The following SMAD2 variants were observed in gnomAD, a reference collection of about 807,000 sequenced individuals.
SMAD2 encodes the protein SMAD family member 2.
Under a neutral mutation model 64.4 loss-of-function variants are expected in SMAD2, and 8 were observed. That is an observed-to-expected ratio of 0.12 (90% CI 0.07 to 0.22). SMAD2 has a LOEUF of 0.22. Ranked by LOEUF, SMAD2 falls within the 10% of genes least tolerant of loss-of-function variation. The pLI, the probability that SMAD2 is intolerant of heterozygous loss-of-function variation, is 1.00. For synonymous variants in SMAD2, 203 were observed against 195.8 expected, an observed-to-expected ratio of 1.04 and a Z score of -0.31; for missense variants, 289 against 561.2, an observed-to-expected ratio of 0.51 and a Z score of 4.90.
chr18:47,895,446 A>G (rs1316838468), intron 2 of SMAD2: 1 of 152,180 alleles, frequency 6.6e-6, no homozygotes, highest in Non-Finnish European at 1.5e-5. Flanking sequence ...ATCAAATTAT[A>G]ATTAATTTGT....
At position 47,837,574 on chromosome 18, in the gene SMAD2, A is replaced by C. The variant is rs533420465; in HGVS notation, c.*4253T>G. 25 of 227,920 alleles carry C rather than the reference A, an allele frequency of 1.1e-4. 1 individual carries two copies. The highest frequency in any genetic ancestry group is 5.8e-4 in the Admixed American group (10 of 17,370). 14.1% of individuals were successfully genotyped at this position (227,920 alleles called of 1,614,324 possible). On this transcript the variant is annotated 3_prime_UTR_variant, in exon 11 of 11. Transcript: ENST00000262160. Reference sequence around the variant, plus strand: ...GAGACTCCCTCTCAAAAAAAAAAAAAAAAAACAAAAAACAAGGCTAACAAG... The same window carrying C: ...GAGACTCCCTCTCAAAAAAAAAAAACAAAAACAAAAAACAAGGCTAACAAG...
chr18:47,909,486 T>C (rs549816455), intron 1 of SMAD2, among the ~76,000 whole-genome samples: 2 of 152,172 alleles, frequency 1.3e-5, no homozygotes, highest in Non-Finnish European at 2.9e-5. Flanking sequence ...CAGGCGCAAG[T>C]GCTGTATTCT....
intron 6 of SMAD2, among the ~76,000 whole-genome samples, chr18:47,855,915 T>C (rs2030634930): frequency 1.3e-5 from 2 of 152,172 alleles, no homozygotes; most frequent in African/African-American, 4.8e-5. Context: ...CACGTTGCTT[T>C]TACTCTTGCT....
At chr18:47,872,797 C>G (rs1250310078) in intron 2 of SMAD2, among the ~76,000 whole-genome samples, 1 of 152,164 alleles carries the variant, frequency 6.6e-6, no homozygotes, top group Non-Finnish European at 1.5e-5. Context: ...TGCCGCACCA[C>G]CACGGTCAGT....
intron 2 of SMAD2, among the ~76,000 whole-genome samples, chr18:47,884,814 T>C (rs534335074): frequency 6.6e-6 from 1 of 152,266 alleles, no homozygotes; most frequent in South Asian, 2.1e-4. Context: ...TAGCCTTTCT[T>C]AGAAGAAGGA....
chr18:47,849,335 G>A (rs1456938683), intron 7 of SMAD2, among the ~76,000 whole-genome samples: 2 of 151,906 alleles, frequency 1.3e-5, no homozygotes, highest in Non-Finnish European at 2.9e-5. Flanking sequence ...TTTAGCTTCT[G>A]CAGTTTGACT....
chr18:47,837,905 T>C lies in SMAD2; in HGVS notation c.*3922A>G, dbSNP rs17813836. On this transcript the variant is annotated 3_prime_UTR_variant, in exon 11 of 11. Coordinates refer to ENST00000262160, the MANE Select transcript of SMAD2 (RefSeq NM_005901.6). Reference sequence around the variant, plus strand: ...AGACATATTTTATGTACAGTGAAGATTGTCTTGTGTTACTTTATATCCCAA... The same window carrying C: ...AGACATATTTTATGTACAGTGAAGACTGTCTTGTGTTACTTTATATCCCAA... 0.021 allele frequency: 4,977 copies of C among 232,568 alleles called. 79 individuals are homozygous for C. Among genetic ancestry groups the C allele is most frequent in the Admixed American group, 0.044 (790 of 17,766 alleles). 14.4% of individuals were successfully genotyped at this position (232,568 alleles called of 1,614,324 possible).
chr18:47,898,300 C>T (rs78650189), intron 1 of SMAD2, among the ~76,000 whole-genome samples: 233 of 152,114 alleles, frequency 1.5e-3, no homozygotes, highest in African/African-American at 5.5e-3. Flanking sequence ...CTGGATTATA[C>T]GTGTATAAAC....
At position 47,838,304 on chromosome 18, in the gene SMAD2, A is replaced by C. The variant is rs1052585989; in HGVS notation, c.*3523T>G. The C allele has an allele frequency of 3.4e-5, 8 of 233,176 alleles. No homozygotes were observed. Among genetic ancestry groups the C allele is most frequent in the Admixed American group, 3.4e-4 (6 of 17,786 alleles). 14.4% of individuals were successfully genotyped at this position (233,176 alleles called of 1,614,324 possible). A position where few individuals can be genotyped will look rare whatever the true frequency, so the allele number is the denominator to read the frequency against. ...ACTAGGTATTAAACAATTTGTAAAA[A>C]CTTACAAAGAAAATTTAGCTTTCAA... On this transcript the variant is annotated 3_prime_UTR_variant, in exon 11 of 11. Transcript: ENST00000262160.
rs960933472 is a variant in SMAD2, at chr18:47,823,278, G to A, written c.*18549C>T. On this transcript the variant is annotated 3_prime_UTR_variant, in exon 11 of 11. Transcript: ENST00000262160. ...GGAGGTTTTTAAATCTGAGATTACT[G>A]TGACCATACTACTATTCTTGCAGAC... The A allele has an allele frequency of 2.0e-5, 3 of 152,096 alleles. No homozygotes were observed. Among genetic ancestry groups the A allele is most frequent in the African/African-American group, 7.2e-5 (3 of 41,402 alleles). 9.4% of individuals were successfully genotyped at this position (152,096 alleles called of 1,614,324 possible). A position where few individuals can be genotyped will look rare whatever the true frequency, so the allele number is the denominator to read the frequency against.
At position 47,834,397 on chromosome 18, in the gene SMAD2, C is replaced by G. The variant is rs114796865; in HGVS notation, c.*7430G>C. On this transcript the variant is annotated 3_prime_UTR_variant, in exon 11 of 11. Coordinates refer to ENST00000262160, the MANE Select transcript of SMAD2 (RefSeq NM_005901.6). ...CTTATCAGAAAAATCCACATATATA[C>G]AAAACTCTGCTAAAAGTTTTGTATC... is the stretch of plus-strand genomic sequence containing the variant. The G allele has an allele frequency of 6.5e-3, 1,340 of 207,500 alleles. 21 individuals carry two copies. The highest frequency in any genetic ancestry group is 0.028 in the African/African-American group (1,231 of 43,964). 12.9% of individuals were successfully genotyped at this position (207,500 alleles called of 1,614,324 possible). A position where few individuals can be genotyped will look rare whatever the true frequency, so the allele number is the denominator to read the frequency against.
chr18:47,860,935 G>A (rs1039185617), intron 6 of SMAD2, among the ~76,000 whole-genome samples: 1 of 152,092 alleles, frequency 6.6e-6, no homozygotes, highest in Non-Finnish European at 1.5e-5. Flanking sequence ...CTTAAAGGGG[G>A]AATTGTGAAA....
At chr18:47,920,148 G>A (rs913898146) in intron 1 of SMAD2, 2 of 151,936 alleles carry the variant, frequency 1.3e-5, no homozygotes, top group African/African-American at 4.8e-5. Flanking sequence ...CTGGGTTGCA[G>A]ACTGCCGCTT....
At chr18:47,881,141 C>T (rs1485524561) in intron 2 of SMAD2, among the ~76,000 whole-genome samples, 2 of 152,086 alleles carry the variant, frequency 1.3e-5, no homozygotes, top group East Asian at 3.8e-4. Flanking sequence ...CTAAAACATG[C>T]CTATTTTTGT....
chr18:47,848,451 CACA>C, intron 8 of SMAD2, 21 bp downstream of exon 8: 4 of 1,553,900 alleles, frequency 2.6e-6, no homozygotes, highest in Non-Finnish European at 3.6e-6. Flanking sequence ...ATTTATTTTT[CACA>C]ACAAGGAAAA....
At position 47,903,872 on chromosome 18, in the gene SMAD2, A is replaced by AGTGT. The variant is rs200145118; in HGVS notation, c.-53-7067_-53-7064dup. 1.5e-4 allele frequency among the ~76,000 whole-genome samples: 3 copies of AGTGT among 19,662 alleles called. 1 individual carries two copies. Among genetic ancestry groups the AGTGT allele is most frequent in the African/African-American group, 4.0e-4 (3 of 7,542 alleles). The allele number at this position is 19,662 out of a possible 152,430, so 12.9% of individuals were successfully genotyped here. ...ATTGAAACACAAAGAGGGAAAAAAC[A>AGTGT]GTGTGGGGGGGGGGGGGACTCAGAA... On this transcript the variant is annotated intron_variant, in intron 1 of 10. Transcript: ENST00000262160.
In SMAD2 at chr18:47,833,347, G is replaced by A. The variant is rs1449352718; in HGVS notation, c.*8480C>T. 1 of 221,080 alleles carries A rather than the reference G, an allele frequency of 4.5e-6. No individual in the cohort carries two copies. Among genetic ancestry groups the A allele is most frequent in the Admixed American group, 5.8e-5 (1 of 17,344 alleles). The allele number at this position is 221,080 out of a possible 1,614,324, so 13.7% of individuals were successfully genotyped here. Reference sequence around the variant, plus strand: ...TGGTGTAGGTGGGAGAAAGACATCAGTATTCAACAATTTTAACTTGAAAAC... The same window carrying A: ...TGGTGTAGGTGGGAGAAAGACATCAATATTCAACAATTTTAACTTGAAAAC... On this transcript the variant is annotated 3_prime_UTR_variant, in exon 11 of 11. Coordinates refer to ENST00000262160, the MANE Select transcript of SMAD2 (RefSeq NM_005901.6).
In SMAD2 at chr18:47,821,610, G is replaced by A. The variant is rs1355177292; in HGVS notation, c.*20217C>T. ...TCTTCCTGTGTCTGATTAAATTCAA[G>A]TACCTTTTCATCAGATTCAACTTTC... On this transcript the variant is annotated 3_prime_UTR_variant, in exon 11 of 11. Transcript: ENST00000262160. 1 of 152,160 alleles carries A rather than the reference G, an allele frequency of 6.6e-6. No homozygotes were observed. Among genetic ancestry groups the A allele is most frequent in the South Asian group, 2.1e-4 (1 of 4,826 alleles). 9.4% of individuals were successfully genotyped at this position (152,160 alleles called of 1,614,324 possible). A position where few individuals can be genotyped will look rare whatever the true frequency, so the allele number is the denominator to read the frequency against.
chr18:47,886,188 C>T (rs2032891081), intron 2 of SMAD2, among the ~76,000 whole-genome samples: 1 of 152,152 alleles, frequency 6.6e-6, no homozygotes, highest in South Asian at 2.1e-4. Context: ...TAATGCTTGA[C>T]TTTGATTGTA....
Sources: gnomAD v4.1 joint callset for allele counts (sites outside exome capture counted in the v4.1 genomes callset) on GRCh38, gnomAD v4.1.1 for gene constraint, MANE v1.5 for transcripts, NCBI Gene and HGNC (gene_info 2026-07-23, HGNC 2026-07-21) for gene names.